Variants in KLRG2 observed in about 807,000 individuals in gnomAD.
KLRG2 encodes killer cell lectin-like receptor subfamily G member 2.
Under a neutral mutation model 35.4 loss-of-function variants are expected in KLRG2, and 39 were observed. The ratio of observed to expected loss-of-function variants is 1.10; its 90% CI spans 0.85 to 1.44. The LOEUF is 1.44. Among genes scored for constraint, KLRG2 ranks in the 40% most tolerant of loss-of-function variants. The pLI is 0.00. For synonymous variants in KLRG2, 283 were observed against 265.8 expected (o/e 1.06, Z -0.63); for missense variants, 632 against 570.9 (o/e 1.11, Z -1.09).
At chr7:139,468,018 C>A (rs572757165) in intron 3 of KLRG2, among the ~76,000 whole-genome samples, 1 of 152,314 alleles carries the variant, frequency 6.6e-6, no homozygotes, top group East Asian at 1.9e-4. Context: ...CGGGCAGCAA[C>A]ACTGCTCTTT....
chr7:139,430,961 G>A, the KLRG2 span, among the ~76,000 whole-genome samples: 8 of 149,360 alleles, frequency 5.4e-5, no homozygotes, highest in South Asian at 2.1e-4. Flanking sequence ...GCAGTGAGCC[G>A]AGATTGCACC....
chr7:139,442,392 T>C, the KLRG2 span, among the ~76,000 whole-genome samples: 1 of 152,174 alleles, frequency 6.6e-6, no homozygotes, highest in Non-Finnish European at 1.5e-5. Flanking sequence ...TCCTGACATC[T>C]GGTGGTCTAG....
chr7:139,478,400 T>C (rs1569416376), intron 3 of KLRG2, among the ~76,000 whole-genome samples: 1 of 145,764 alleles, frequency 6.9e-6, no homozygotes, highest in Non-Finnish European at 1.5e-5. Flanking sequence ...CTGGACGCAG[T>C]GGCTCACACC....
At chr7:139,450,549 A>G (rs1159008506), downstream of KLRG2, among the ~76,000 whole-genome samples, 2 of 152,206 alleles carry the variant, frequency 1.3e-5, no homozygotes, top group East Asian at 3.8e-4. Context: ...TGATGAATTC[A>G]GAAGTCCCAC....
the KLRG2 span, among the ~76,000 whole-genome samples, chr7:139,447,188 A>C: frequency 1.3e-5 from 2 of 151,766 alleles, no homozygotes; most frequent in East Asian, 1.9e-4. Context: ...GATCAAATAC[A>C]TTTTAAATAG....
At chr7:139,451,132 T>C (rs1434695067), downstream of KLRG2, among the ~76,000 whole-genome samples, 1 of 152,156 alleles carries the variant, frequency 6.6e-6, no homozygotes, top group African/African-American at 2.4e-5. Context: ...CAGAACTGGC[T>C]GGTCAATCCA....
At chr7:139,433,330 G>C in the KLRG2 span, among the ~76,000 whole-genome samples, 75 of 151,542 alleles carry the variant, frequency 4.9e-4, no homozygotes, top group Non-Finnish European at 9.3e-4. Flanking sequence ...TTGTTTGTTT[G>C]TTTGTTTGTT....
rs542532546 is a variant in KLRG2 at position 139,466,572 on chromosome 7, T to TTG, written c.1006-12360_1006-12359dup. Among the ~76,000 whole-genome samples the TTG allele has an allele frequency of 3.0e-3, 451 of 152,222 alleles. 2 individuals carry two copies. Among genetic ancestry groups the TTG allele is most frequent in the African/African-American group, 0.01 (428 of 41,516 alleles). On this transcript the variant is annotated intron_variant, in intron 3 of 4. Coordinates refer to ENST00000340940, the MANE Select transcript of KLRG2 (RefSeq NM_198508.4). Reference sequence around the variant, plus strand: ...TTTACTTTTATACTCACTCTTACTCTTGTTCCCGTTCTTATGCCACGCTCT... The same window carrying TTG: ...TTTACTTTTATACTCACTCTTACTCTTGTGTTCCCGTTCTTATGCCACGCTCT...
At chr7:139,442,053 AG>A in the KLRG2 span, among the ~76,000 whole-genome samples, 5 of 152,186 alleles carry the variant, frequency 3.3e-5, no homozygotes, top group African/African-American at 1.2e-4. Context: ...AACAGGTGTA[AG>A]GAGAGGGCAC....
chr7:139,453,379 G>T lies in KLRG2; in HGVS notation c.*208C>A. ...GCTGGAGACTAATATTGGCACTCAG[G>T]CCTGAGGCCATAGAAAATCTCCTTT... On this transcript the variant is annotated 3_prime_UTR_variant, in exon 5 of 5. Coordinates refer to ENST00000340940, the MANE Select transcript of KLRG2 (RefSeq NM_198508.4). The T allele has an allele frequency of 1.7e-6, 1 of 579,452 alleles. No individual in the cohort carries two copies. 35.9% of individuals were successfully genotyped at this position (579,452 alleles called of 1,614,324 possible). A position where few individuals can be genotyped will look rare whatever the true frequency, so the allele number is the denominator to read the frequency against.
intron 4 of KLRG2, 54 bp downstream of exon 4, chr7:139,454,057 A>G: frequency 9.2e-7 from 1 of 1,081,522 alleles, no homozygotes; most frequent in Non-Finnish European, 1.4e-6. Context: ...GAGTCTGGGG[A>G]GAAATGGAGG....
intron 2 of KLRG2, 65 bp downstream of exon 2, chr7:139,480,081 C>G: frequency 9.0e-7 from 1 of 1,112,444 alleles, no homozygotes; most frequent in Non-Finnish European, 1.4e-6. Context: ...GTTTTAAGGG[C>G]TGGAAACACA....
intron 3 of KLRG2, among the ~76,000 whole-genome samples, chr7:139,463,351 G>A (rs904933022): frequency 6.6e-6 from 1 of 152,086 alleles, no homozygotes; most frequent in African/African-American, 2.4e-5. Context: ...CCCACAACAA[G>A]ACTTAATTAA....
the KLRG2 span, among the ~76,000 whole-genome samples, chr7:139,441,611 A>AT: frequency 2.6e-3 from 391 of 151,660 alleles, 2 homozygotes; most frequent in African/African-American, 7.9e-3. Context: ...AACTTAAAGT[A>AT]TAAAAAAAAA....
intron 3 of KLRG2, among the ~76,000 whole-genome samples, chr7:139,461,856 G>A (rs902764423): frequency 2.0e-5 from 3 of 152,114 alleles, no homozygotes; most frequent in African/African-American, 4.8e-5. Context: ...ACACGGATGC[G>A]TGTGACATTT....
At chr7:139,465,990 GTCATCATT>G (rs1051469534) in intron 3 of KLRG2, among the ~76,000 whole-genome samples, 31 of 152,082 alleles carry the variant, frequency 2.0e-4, no homozygotes, top group African/African-American at 7.5e-4. Flanking sequence ...ATTCTATTCT[GTCATCATT>G]TCATAGCCTC....
At chr7:139,476,671 T>C (rs1218842125) in intron 3 of KLRG2, among the ~76,000 whole-genome samples, 2 of 152,076 alleles carry the variant, frequency 1.3e-5, no homozygotes, top group Non-Finnish European at 2.9e-5. Context: ...AACTCCCGAC[T>C]GCAGGTGATC....
chr7:139,446,130 C>T, the KLRG2 span, among the ~76,000 whole-genome samples: 1 of 151,868 alleles, frequency 6.6e-6, no homozygotes, highest in Non-Finnish European at 1.5e-5. Flanking sequence ...CGTGAGCCAC[C>T]ATGGCCAGTC....
chr7:139,432,274 G>A, the KLRG2 span, among the ~76,000 whole-genome samples: 1 of 151,898 alleles, frequency 6.6e-6, no homozygotes, highest in Non-Finnish European at 1.5e-5. Context: ...GAGGATCACT[G>A]GCGCCCAGGA....
Sources: allele counts gnomAD v4.1 joint callset (sites outside exome capture counted in the v4.1 genomes callset), GRCh38; gene constraint gnomAD v4.1.1; transcripts MANE v1.5; gene names NCBI Gene and HGNC (gene_info 2026-07-23, HGNC 2026-07-21).